CD101: variants seen among roughly 807,000 people sequenced by gnomAD.
CD101 encodes CD101 molecule.
In CD101, 76 loss-of-function variants were observed where a neutral mutation model predicts 98.2. That is an observed-to-expected ratio of 0.77 (90% CI 0.64 to 0.94). The LOEUF is 0.94. Among genes scored for constraint, CD101 ranks in the 40% least tolerant of loss-of-function variants. The probability of loss-of-function intolerance (pLI) is 0.00; values close to 1 mark genes in which losing one functional copy is unlikely to be tolerated. For synonymous variants in CD101, 471 were observed against 472.7 expected, an observed-to-expected ratio of 1.00 and a Z score of 0.05; for missense variants, 1,145 against 1,218.8, an observed-to-expected ratio of 0.94 and a Z score of 0.90.
At position 117,006,331 on chromosome 1, in the gene CD101, G is replaced by T. The variant is rs570556253; in HGVS notation, c.44-3519G>T. Among the ~76,000 whole-genome samples, 1 of 152,222 alleles carries T rather than the reference G, an allele frequency of 6.6e-6. No individual in the cohort carries two copies. The highest frequency in any genetic ancestry group is 2.1e-4 in the South Asian group (1 of 4,824). On this transcript the variant is annotated intron_variant, in intron 1 of 9. Transcript: ENST00000682167. This position sits in a 1 kb window ranked among gnomAD's most constrained non-coding sequence, Gnocchi z 4.4. Reference sequence around the variant, plus strand: ...CCTGAGCTCCTACAATTACCTGATTGTCTATTTCTAACTTCCATCATTCTG... The same window carrying T: ...CCTGAGCTCCTACAATTACCTGATTTTCTATTTCTAACTTCCATCATTCTG...
intron 8 of CD101, among the ~76,000 whole-genome samples, chr1:117,029,257 GAAAGAAAGAAAGAAA>G (rs1654274464): frequency 7.9e-6 from 1 of 127,064 alleles, no homozygotes; most frequent in Admixed American, 7.9e-5. Flanking sequence ...AAGAAAGAAA[GAAAGAAAGAAAGAAA>G]GAGTAGATAC....
rs1653342887 is a variant in CD101, at chr1:117,018,009, G to A, written c.1613-147G>A. On this transcript the variant is annotated intron_variant, in intron 5 of 9. Transcript: ENST00000682167. This position sits in a 1 kb window ranked among gnomAD's most constrained non-coding sequence, Gnocchi z 4.3. ...TCACAGTTCAGGACAGACTGTACTG[G>A]GAATCAATTTCTACTCTATAAAATA... 3 of 785,700 alleles carry A rather than the reference G, an allele frequency of 3.8e-6. No homozygotes were observed. Among genetic ancestry groups the A allele is most frequent in the Non-Finnish European group, 5.9e-6 (3 of 512,226 alleles). 48.7% of individuals were successfully genotyped at this position (785,700 alleles called of 1,614,324 possible).
Position 117,022,015 on chromosome 1 carries a change from T to G in CD101, c.2428+32T>G, listed in dbSNP as rs1380086300. ...CTTGCGAGTGTATCCTCACAATGTC[T>G]GTCTGTCTGACGGCTGTTTTCTCTT... On this transcript the variant is annotated intron_variant, in intron 7 of 9. Coordinates refer to ENST00000682167, the MANE Select transcript of CD101 (RefSeq NM_001256106.3). This position sits in a 1 kb window ranked among gnomAD's most constrained non-coding sequence, Gnocchi z 4.8. The G allele has an allele frequency of 6.4e-7, 1 of 1,563,572 alleles. No individual in the cohort carries two copies. Among genetic ancestry groups the G allele is most frequent in the Non-Finnish European group, 8.6e-7 (1 of 1,157,912 alleles).
rs764899157 is a variant in CD101, at chr1:117,033,917, T to A, written c.2882T>A (p.Ile961Asn). 6.2e-7 allele frequency: 1 copy of A among 1,614,200 alleles called. No individual in the cohort carries two copies. Among genetic ancestry groups the A allele is most frequent in the South Asian group, 1.1e-5 (1 of 91,076 alleles). Residue 961 changes from isoleucine (I) to asparagine (N), a missense_variant, in exon 9 of 10, where the codon ATC (isoleucine) becomes AAC (asparagine). Transcript: ENST00000682167. The surrounding 1 kb of genome is among the most constrained non-coding windows in gnomAD (Gnocchi z 4.8). Reference sequence around the variant, plus strand: ...GCCCCTTTACTCTATTTCCTGTTCATCTGTCCCTTCGTCCTGCTCCTCCTT... The same window carrying A: ...GCCCCTTTACTCTATTTCCTGTTCAACTGTCCCTTCGTCCTGCTCCTCCTT... ...SSAPLLYFLF[I>N]CPFVLLLLLL... is the part of the protein sequence containing the mutation.
intron 8 of CD101, among the ~76,000 whole-genome samples, chr1:117,029,161 A>AAGAG (rs1654172829): frequency 9.3e-6 from 1 of 108,098 alleles, no homozygotes; most frequent in Non-Finnish European, 1.9e-5. Flanking sequence ...GAAAGAAAGA[A>AAGAG]AGAAAGAAAG....
rs531098336 is a variant in CD101 at position 117,010,849 on chromosome 1, A to G, written c.424+619A>G. Among the ~76,000 whole-genome samples, 1 of 152,304 alleles carries G rather than the reference A, an allele frequency of 6.6e-6. No individual in the cohort carries two copies. The highest frequency in any genetic ancestry group is 2.4e-5 in the African/African-American group (1 of 41,550). ...CTTTTGTTTCCTTTAGATTGTTCAT[A>G]CCACTGCTCTCAGCATGTATCCAGT... is the stretch of plus-strand genomic sequence containing the variant. On this transcript the variant is annotated intron_variant, in intron 2 of 9. Transcript: ENST00000682167. This position sits in a 1 kb window ranked among gnomAD's most constrained non-coding sequence, Gnocchi z 5.2.
At chr1:117,007,481 A>G (rs1008282022) in intron 1 of CD101, among the ~76,000 whole-genome samples, 9 of 151,902 alleles carry the variant, frequency 5.9e-5, no homozygotes, top group African/African-American at 9.7e-5. Flanking sequence ...TGGAATAGCT[A>G]GGATTACAGG....
At chr1:117,034,177 C>A in intron 9 of CD101, 43 bp downstream of exon 9, 1 of 1,551,018 alleles carries the variant, frequency 6.4e-7, no homozygotes, top group African/African-American at 1.4e-5. Context: ...TGAATGAATC[C>A]TGGTTCTGTC....
intron 9 of CD101, among the ~76,000 whole-genome samples, chr1:117,035,460 A>G (rs375131380): frequency 6.6e-5 from 10 of 152,308 alleles, no homozygotes; most frequent in African/African-American, 2.4e-4. Flanking sequence ...AAAATACTCC[A>G]AATCTTTCCT....
chr1:117,018,120 A>G lies in CD101; in HGVS notation c.1613-36A>G. 6.6e-7 allele frequency: 1 copy of G among 1,524,534 alleles called. No homozygotes were observed. Among genetic ancestry groups the G allele is most frequent in the African/African-American group, 1.4e-5 (1 of 71,890 alleles). 94.4% of individuals were successfully genotyped at this position (1,524,534 alleles called of 1,614,324 possible). Reference sequence around the variant, plus strand: ...GAAAGTGCTATATTTTAATCTGGTAAATATATTAGAAATTCTGTTTCATTT... The same window carrying G: ...GAAAGTGCTATATTTTAATCTGGTAGATATATTAGAAATTCTGTTTCATTT... On this transcript the variant is annotated intron_variant, in intron 5 of 9. Coordinates refer to ENST00000682167, the MANE Select transcript of CD101 (RefSeq NM_001256106.3). The surrounding 1 kb of genome is among the most constrained non-coding windows in gnomAD (Gnocchi z 4.3).
chr1:117,002,235 G>A (rs1557761495), intron 1 of CD101, among the ~76,000 whole-genome samples: 1 of 152,222 alleles, frequency 6.6e-6, no homozygotes, highest in Non-Finnish European at 1.5e-5. Flanking sequence ...TGATATTAAG[G>A]CTTGATGGGA....
intron 9 of CD101, among the ~76,000 whole-genome samples, chr1:117,034,833 C>T (rs1225749246): frequency 6.6e-6 from 1 of 152,134 alleles, no homozygotes; most frequent in East Asian, 1.9e-4. Flanking sequence ...TCCAGTCAGC[C>T]CCCCAAGGCC....
chr1:117,020,185 C>A (rs1653496522), intron 6 of CD101, among the ~76,000 whole-genome samples: 1 of 152,102 alleles, frequency 6.6e-6, no homozygotes, highest in Non-Finnish European at 1.5e-5. Flanking sequence ...CTAGGAGACC[C>A]TGCTGTGTGC....
chr1:117,009,946 G>C lies in CD101; in HGVS notation c.140G>C (p.Gly47Ala). The C allele has an allele frequency of 6.2e-7, 1 of 1,614,158 alleles. No individual in the cohort carries two copies. Among genetic ancestry groups the C allele is most frequent in the South Asian group, 1.1e-5 (1 of 91,086 alleles). The change falls in exon 2 of 10, where the codon GGC becomes GCC. Residue 47 changes from glycine to alanine, a missense_variant. By Grantham distance (60) the Gly-to-Ala change is moderately conservative. Coordinates refer to ENST00000682167, the MANE Select transcript of CD101 (RefSeq NM_001256106.3). ...GTCAGCATTGGCTGCAATGTAACTG[G>C]CCACCAGGGACCTTCTGAGCAGCAT... ...YPVSIGCNVT[G>A]HQGPSEQHFQ...
chr1:117,017,167 G>T lies in CD101; in HGVS notation c.1306G>T (p.Ala436Ser), dbSNP rs138571018. ...AGAGACACTCGCCTTTCTCTGTAAG[G>T]CTGGTGGAGCTGAAAGTCCCCTGTC... is the stretch of plus-strand genomic sequence containing the variant. ...EGETLAFLCK[A>S]GGAESPLSVS... The change falls in exon 5 of 10, where the codon GCT becomes TCT. Residue 436 changes from alanine (A) to serine (S), a missense_variant. Transcript: ENST00000682167. 1.9e-6 allele frequency: 3 copies of T among 1,614,122 alleles called. No individual in the cohort carries two copies. The highest frequency in any genetic ancestry group is 2.5e-6 in the Non-Finnish European group (3 of 1,180,042).
chr1:117,035,160 G>C (rs1654731264), intron 9 of CD101, among the ~76,000 whole-genome samples: 1 of 152,152 alleles, frequency 6.6e-6, no homozygotes. Flanking sequence ...CCTCATCTTT[G>C]TTTCAAAAGC....
chr1:117,009,237 T>TAGTG (rs1652728544), intron 1 of CD101, among the ~76,000 whole-genome samples: 1 of 152,226 alleles, frequency 6.6e-6, no homozygotes, highest in Admixed American at 6.5e-5. Context: ...AGTAAAGCTA[T>TAGTG]AGTGGCTCTT....
chr1:117,010,806 G>A lies in CD101; in HGVS notation c.424+576G>A, dbSNP rs1652842895. ...CTCTTCTGTGGAACTCATCTTGACTGCTTGGGCAGAATTCCCACTTTTGTT... is the reference window on the plus strand; with the variant it reads ...CTCTTCTGTGGAACTCATCTTGACTACTTGGGCAGAATTCCCACTTTTGTT... On this transcript the variant is annotated intron_variant, in intron 2 of 9. Coordinates refer to ENST00000682167, the MANE Select transcript of CD101 (RefSeq NM_001256106.3). The surrounding 1 kb of genome is among the most constrained non-coding windows in gnomAD (Gnocchi z 5.2). Among the ~76,000 whole-genome samples, 3 of 152,168 alleles carry A rather than the reference G, an allele frequency of 2.0e-5. No homozygotes were observed. Among genetic ancestry groups the A allele is most frequent in the Admixed American group, 6.5e-5 (1 of 15,278 alleles).
In CD101 at chr1:117,025,756, T is replaced by C; in HGVS notation, c.2676T>C (p.Phe892=). 6.2e-7 allele frequency: 1 copy of C among 1,614,198 alleles called. No individual in the cohort carries two copies. Among genetic ancestry groups the C allele is most frequent in the South Asian group, 1.1e-5 (1 of 91,082 alleles). ...GTTACCGTTCATCCTCTACAGACTTTGTCCTGAAGCTTCATCAGGTGGAGA... is the reference window on the plus strand; with the variant it reads ...GTTACCGTTCATCCTCTACAGACTTCGTCCTGAAGCTTCATCAGGTGGAGA... The part of the protein sequence containing the change: ...LHCYRSSSTD[F]VLKLHQVEME... Residue 892 remains phenylalanine (F), a synonymous_variant, in exon 8 of 10, where the codon TTT becomes TTC. Coordinates refer to ENST00000682167, the MANE Select transcript of CD101 (RefSeq NM_001256106.3).
Sources: allele counts gnomAD v4.1 joint callset (sites outside exome capture counted in the v4.1 genomes callset), GRCh38; gene constraint gnomAD v4.1.1; non-coding constraint Gnocchi (gnomAD v3.1); transcripts MANE v1.5; gene names NCBI Gene and HGNC (gene_info 2026-07-23, HGNC 2026-07-21).